The following KCNQ1 variants were observed in gnomAD, a reference collection of about 807,000 sequenced individuals.
KCNQ1 encodes potassium voltage-gated channel subfamily Q member 1.
A neutral mutation model predicts 72.4 loss-of-function variants in KCNQ1; 49 were observed. The ratio of observed to expected loss-of-function variants is 0.68; its 90% CI spans 0.54 to 0.86. The LOEUF (loss-of-function observed/expected upper bound fraction) is 0.86, where lower values mean the gene tolerates loss of function less well. Ranked by LOEUF, KCNQ1 falls within the 40% of genes least tolerant of loss-of-function variation. The pLI, the probability that KCNQ1 is intolerant of heterozygous loss-of-function variation, is 0.00. For missense variants in KCNQ1, 790 were observed against 945.1 expected (o/e 0.84, Z 2.15); for synonymous variants, 450 against 412.6 (o/e 1.09, Z -1.10).
intron 6 of KCNQ1, among the ~76,000 whole-genome samples, chr11:2,576,684 C>A: frequency 6.6e-6 from 1 of 152,274 alleles, no homozygotes; most frequent in South Asian, 2.1e-4. Context: ...CAACGCTGCA[C>A]CCTGGCGGGG....
Position 2,661,280 on chromosome 11 carries a change from G to T in KCNQ1, c.1394-681G>T. On this transcript the variant is annotated intron_variant, in intron 10 of 15. Coordinates refer to ENST00000155840, the MANE Select transcript of KCNQ1 (RefSeq NM_000218.3). This position sits in a 1 kb window ranked among gnomAD's most constrained non-coding sequence, Gnocchi z 5.9. Reference sequence around the variant, plus strand: ...TTAAATGAAGACAAATATAAGCCAAGAGCAAATACTGATAGTGTCAACAGA... The same window carrying T: ...TTAAATGAAGACAAATATAAGCCAATAGCAAATACTGATAGTGTCAACAGA... 1 of 399,752 alleles carries T rather than the reference G, an allele frequency of 2.5e-6. No homozygotes were observed. Among genetic ancestry groups the T allele is most frequent in the Non-Finnish European group, 4.4e-6 (1 of 226,894 alleles). 24.8% of individuals were successfully genotyped at this position (399,752 alleles called of 1,614,324 possible). A position where few individuals can be genotyped will look rare whatever the true frequency, so the allele number is the denominator to read the frequency against.
chr11:2,585,364 CCAGCCCTCACGGCCACCTGT>C, intron 8 of KCNQ1, 57 bp downstream of exon 8: 1 of 1,464,554 alleles, frequency 6.8e-7, no homozygotes, highest in Admixed American at 1.7e-5. Context: ...ATTGTTGCAT[CCAGCCCTCACGGCCACCTGT>C]CAGAACCATC....
At chr11:2,596,518 G>A (rs900973326) in intron 10 of KCNQ1, among the ~76,000 whole-genome samples, 7 of 151,490 alleles carry the variant, frequency 4.6e-5, no homozygotes, top group Admixed American at 3.9e-4. Flanking sequence ...GAAATACAAA[G>A]GAATGAACCA....
At chr11:2,716,131 C>T (rs533776933) in intron 11 of KCNQ1, among the ~76,000 whole-genome samples, 154 of 152,302 alleles carry the variant, frequency 1.0e-3, no homozygotes, top group Non-Finnish European at 1.6e-3. Flanking sequence ...TTTTGGTTGC[C>T]GGATCCTCAT....
chr11:2,664,586 C>T lies in KCNQ1; in HGVS notation c.1514+2505C>T. ...AGGTCTTCTGCCCGCATTGGGGCTG[C>T]ATTCCTCCACCTCCTGCACAGCCCG... On this transcript the variant is annotated intron_variant, in intron 11 of 15. Coordinates refer to ENST00000155840, the MANE Select transcript of KCNQ1 (RefSeq NM_000218.3). The surrounding 1 kb of genome is among the most constrained non-coding windows in gnomAD (Gnocchi z 5.1). 2.5e-6 allele frequency: 1 copy of T among 398,654 alleles called. No individual in the cohort carries two copies. The highest frequency in any genetic ancestry group is 4.4e-6 in the Non-Finnish European group (1 of 226,118). The allele number at this position is 398,654 out of a possible 1,614,324, so 24.7% of individuals were successfully genotyped here.
intron 2 of KCNQ1, among the ~76,000 whole-genome samples, chr11:2,569,722 T>G (rs542349509): frequency 6.6e-6 from 1 of 152,322 alleles, no homozygotes; most frequent in South Asian, 2.1e-4. Context: ...CCGCTGCACT[T>G]TAAGTGTCAC....
rs1341485423 is a variant in KCNQ1, at chr11:2,579,572, G to T, written c.922-3863G>T. 6.6e-6 allele frequency among the ~76,000 whole-genome samples: 1 copy of T among 152,230 alleles called. No homozygotes were observed. The highest frequency in any genetic ancestry group is 1.5e-5 in the Non-Finnish European group (1 of 68,036). ...GAATGCAGGAAAAACAAACAGGTCT[G>T]CAGGGAGGGGCCGTTTCCTTGTTAA... On this transcript the variant is annotated intron_variant, in intron 6 of 15. Coordinates refer to ENST00000155840, the MANE Select transcript of KCNQ1 (RefSeq NM_000218.3). This position sits in a 1 kb window ranked among gnomAD's most constrained non-coding sequence, Gnocchi z 6.0.
chr11:2,777,259 G>T (rs1846724945), intron 14 of KCNQ1, among the ~76,000 whole-genome samples: 1 of 151,986 alleles, frequency 6.6e-6, no homozygotes, highest in African/African-American at 2.4e-5. Flanking sequence ...AACCTACCTG[G>T]GTCCCTTTAA....
chr11:2,776,414 G>C (rs757603447), intron 13 of KCNQ1, among the ~76,000 whole-genome samples: 8 of 152,114 alleles, frequency 5.3e-5, no homozygotes, highest in Admixed American at 4.6e-4. Flanking sequence ...CAGCCCACCC[G>C]CCTTCCCTGT....
At chr11:2,833,805 G>A (rs1168029091) in intron 15 of KCNQ1, among the ~76,000 whole-genome samples, 1 of 152,222 alleles carries the variant, frequency 6.6e-6, no homozygotes, top group African/African-American at 2.4e-5. Context: ...ACAGGCAGCT[G>A]GGGGAAGGCC....
At chr11:2,584,587 T>C (rs1483677462) in intron 7 of KCNQ1, among the ~76,000 whole-genome samples, 1 of 150,132 alleles carries the variant, frequency 6.7e-6, no homozygotes, top group Non-Finnish European at 1.5e-5. Context: ...TTGTGTGTGT[T>C]TGTGGGTTAG....
At position 2,776,969 on chromosome 11, in the gene KCNQ1, T is replaced by C. The variant is rs1348900680; in HGVS notation, c.1686-17T>C. 2 of 1,613,776 alleles carry C rather than the reference T, an allele frequency of 1.2e-6. No homozygotes were observed. Among genetic ancestry groups the C allele is most frequent in the Admixed American group, 1.7e-5 (1 of 60,016 alleles). On this transcript the variant is annotated splice_polypyrimidine_tract_variant and intron_variant, in intron 13 of 15. Transcript: ENST00000155840. ...CCAGGGCCAGGTGTGAACTGGTGTC[T>C]GTGTCCTTCTCTCCAGGCTGGACCA...
chr11:2,615,991 T>C (rs1849056975), intron 10 of KCNQ1: 2 of 398,096 alleles, frequency 5.0e-6, no homozygotes, highest in South Asian at 2.5e-4. Flanking sequence ...CTGTGTAGCA[T>C]TTTCTTCATT....
At position 2,669,313 on chromosome 11, in the gene KCNQ1, T is replaced by C. The variant is rs1850140448; in HGVS notation, c.1514+7232T>C. 3 of 398,514 alleles carry C rather than the reference T, an allele frequency of 7.5e-6. No homozygotes were observed. Among genetic ancestry groups the C allele is most frequent in the East Asian group, 7.1e-5 (2 of 28,084 alleles). The allele number at this position is 398,514 out of a possible 1,614,324, so 24.7% of individuals were successfully genotyped here. On this transcript the variant is annotated intron_variant, in intron 11 of 15. Transcript: ENST00000155840. This position sits in a 1 kb window ranked among gnomAD's most constrained non-coding sequence, Gnocchi z 5.6. ...CTCACCATACATATGCCAGTTGCCATGGAAAGCCTCCTCTAGGCGCAGCAG... is the reference window on the plus strand; with the variant it reads ...CTCACCATACATATGCCAGTTGCCACGGAAAGCCTCCTCTAGGCGCAGCAG...
At chr11:2,637,441 A>G (rs1849491126) in intron 10 of KCNQ1, 3 of 152,222 alleles carry the variant, frequency 2.0e-5, no homozygotes, top group Non-Finnish European at 4.4e-5. Flanking sequence ...TTCGTTATGT[A>G]CCCAGTAGTC....
Position 2,472,001 on chromosome 11 carries a change from T to C in KCNQ1, c.386+26517T>C, listed in dbSNP as rs377048965. The stretch of plus-strand genomic sequence containing the variant: ...GTGCACCTATGTGTATAAGTGTGTG[T>C]GCACATGTGTATAGGTGTATGTATG... On this transcript the variant is annotated intron_variant, in intron 1 of 15. Transcript: ENST00000155840. Among the ~76,000 whole-genome samples, 776 of 152,178 alleles carry C rather than the reference T, an allele frequency of 5.1e-3. 2 individuals are homozygous for C. The highest frequency in any genetic ancestry group is 0.018 in the African/African-American group (742 of 41,482).
chr11:2,607,905 A>G (rs144290778), intron 10 of KCNQ1, among the ~76,000 whole-genome samples: 1 of 152,350 alleles, frequency 6.6e-6, no homozygotes, highest in East Asian at 1.9e-4. Context: ...TTTTCATCAC[A>G]GTTATTGTAA....
At chr11:2,779,938 A>G (rs1272595750) in intron 15 of KCNQ1, among the ~76,000 whole-genome samples, 2 of 152,234 alleles carry the variant, frequency 1.3e-5, no homozygotes, top group African/African-American at 4.8e-5. Flanking sequence ...CCCTAGGGCA[A>G]GGTTTAAGAA....
chr11:2,544,293 T>C lies in KCNQ1; in HGVS notation c.477+16275T>C, dbSNP rs28811095. On this transcript the variant is annotated intron_variant, in intron 2 of 15. Coordinates refer to ENST00000155840, the MANE Select transcript of KCNQ1 (RefSeq NM_000218.3). This position sits in a 1 kb window ranked among gnomAD's most constrained non-coding sequence, Gnocchi z 4.4. ...GTGTATATATATGTGTATATATATATGTATATATGTGTATATATGTATATA... is the reference window on the plus strand; with the variant it reads ...GTGTATATATATGTGTATATATATACGTATATATGTGTATATATGTATATA... Among the ~76,000 whole-genome samples, 29,654 of 135,216 alleles carry C rather than the reference T, an allele frequency of 0.22. 3,476 individuals carry two copies. Among genetic ancestry groups the C allele is most frequent in the East Asian group, 0.28 (1,316 of 4,722 alleles). The allele number at this position is 135,216 out of a possible 152,430, so 88.7% of individuals were successfully genotyped here. A position where few individuals can be genotyped will look rare whatever the true frequency, so the allele number is the denominator to read the frequency against.
Sources: gnomAD v4.1 joint callset for allele counts (sites outside exome capture counted in the v4.1 genomes callset) on GRCh38, gnomAD v4.1.1 for gene constraint, Gnocchi (gnomAD v3.1) non-coding constraint, MANE v1.5 for transcripts, NCBI Gene and HGNC (gene_info 2026-07-23, HGNC 2026-07-21) for gene names.